The following ULK1 variants were observed in gnomAD, a reference collection of about 807,000 sequenced individuals.
ULK1 encodes the protein unc-51 like autophagy activating kinase 1.
A neutral mutation model predicts 117.5 loss-of-function variants in ULK1; 48 were observed. That is an observed-to-expected ratio of 0.41 (90% CI 0.32 to 0.52). ULK1 has a LOEUF of 0.52. Among genes scored for constraint, ULK1 ranks in the 20% least tolerant of loss-of-function variants. The pLI, the probability that ULK1 is intolerant of heterozygous loss-of-function variation, is 0.29. For missense variants in ULK1, 1,387 were observed against 1,473.4 expected, an observed-to-expected ratio of 0.94 and a Z score of 0.96; for synonymous variants, 790 against 637.8, an observed-to-expected ratio of 1.24 and a Z score of -3.60.
In ULK1 at chr12:131,922,062, G is replaced by A. The variant is rs947686557; in HGVS notation, c.*701G>A. On this transcript the variant is annotated 3_prime_UTR_variant, in exon 28 of 28. Transcript: ENST00000321867. ...GAGGCAGAGGCAGTTCTTTGTTCAAGCGTTCCTCTGGGGACCGGCAGCAGA... is the reference window on the plus strand; with the variant it reads ...GAGGCAGAGGCAGTTCTTTGTTCAAACGTTCCTCTGGGGACCGGCAGCAGA... 1.5e-4 allele frequency: 66 copies of A among 453,412 alleles called. No individual in the cohort carries two copies. In the Admixed American group the frequency reaches 1.6e-3, roughly 11 times the overall value. 28.1% of individuals were successfully genotyped at this position (453,412 alleles called of 1,614,324 possible).
At position 131,919,245 on chromosome 12, in the gene ULK1, T is replaced by G. The variant is rs1364528477; in HGVS notation, c.2545T>G (p.Phe849Val). The G allele has an allele frequency of 6.3e-7, 1 of 1,597,578 alleles. No homozygotes were observed. The highest frequency in any genetic ancestry group is 1.7e-5 in the Admixed American group (1 of 59,748). ...CACGGAGATCCTGCGTGGCCTGCGC[T>G]TCACGCTGCTGTTCGTGCAGCACGT... ...EHTEILRGLR[F>V]TLLFVQHVLE... The change falls in exon 24 of 28, where the codon TTC becomes GTC. Residue 849 changes from phenylalanine to valine, a missense_variant. Coordinates refer to ENST00000321867, the MANE Select transcript of ULK1 (RefSeq NM_003565.4).
intron 4 of ULK1, 146 bp from the exon 5 acceptor site, chr12:131,907,349 G>A: frequency 1.0e-6 from 1 of 962,396 alleles, no homozygotes; most frequent in Non-Finnish European, 1.5e-6. Context: ...TTCCAGCAGG[G>A]ACTGTGGGGA....
intron 25 of ULK1, 179 bp downstream of exon 25, chr12:131,919,769 G>C: frequency 9.8e-7 from 1 of 1,021,346 alleles, no homozygotes; most frequent in South Asian, 1.6e-5. Flanking sequence ...ACAGCACCCT[G>C]GAGCCCAGTA....
Position 131,910,764 on chromosome 12 carries a change from C to T in ULK1, c.912C>T (p.Ser304=), listed in dbSNP as rs746012135. 51 of 1,612,624 alleles carry T rather than the reference C, an allele frequency of 3.2e-5. No homozygotes were observed. Among genetic ancestry groups the T allele is most frequent in the South Asian group, 4.4e-5 (4 of 91,086 alleles). Residue 304 remains serine, a synonymous_variant, in exon 12 of 28, where the codon TCC becomes TCT. Coordinates refer to ENST00000321867, the MANE Select transcript of ULK1 (RefSeq NM_003565.4). ...CAAGCTCGGGGTCCGGCAGCAGCTC[C>T]AGCAGCAGCTCCACCTCCCACCTGG... The part of the protein sequence containing the change: ...SYPSSGSGSS[S]SSSSTSHLAS...
intron 13 of ULK1, 100 bp downstream of exon 13, chr12:131,912,189 G>A (rs1889569587): frequency 2.7e-6 from 4 of 1,476,354 alleles, no homozygotes; most frequent in Non-Finnish European, 2.7e-6. Flanking sequence ...TTCCACTTAT[G>A]GGCAGTTAGG....
Position 131,921,180 on chromosome 12 carries a change from G to A in ULK1, c.3042G>A (p.Leu1014=), listed in dbSNP as rs1362866439. 6.2e-7 allele frequency: 1 copy of A among 1,606,106 alleles called. No homozygotes were observed. The highest frequency in any genetic ancestry group is 1.7e-5 in the Admixed American group (1 of 60,018). Residue 1014 remains leucine (L), a synonymous_variant, in exon 27 of 28, where the codon CTG becomes CTA. Transcript: ENST00000321867. ...VPRYHKALLL[L]EGLQHMLSDQ... Reference sequence around the variant, plus strand: ...GCTACCACAAGGCCCTGCTGCTCCTGGAGGGGCTGCAGCACATGCTCTCGG... The same window carrying A: ...GCTACCACAAGGCCCTGCTGCTCCTAGAGGGGCTGCAGCACATGCTCTCGG...
Position 131,913,216 on chromosome 12 carries a change from C to G in ULK1, c.1115C>G (p.Ala372Gly). ...AQFPGDLVAE[A>G]PSAKPPPDSL... ...CCTGCAGGTGACCTGGTGGCTGAGGCGCCCAGTGCCAAACCCCCGCCAGAC... is the reference window on the plus strand; with the variant it reads ...CCTGCAGGTGACCTGGTGGCTGAGGGGCCCAGTGCCAAACCCCCGCCAGAC... The change falls in exon 14 of 28, where the codon GCG becomes GGG. Residue 372 changes from alanine (A) to glycine (G), a missense_variant. Ala to Gly is a moderately conservative substitution (Grantham distance 60, BLOSUM62 0). Coordinates refer to ENST00000321867, the MANE Select transcript of ULK1 (RefSeq NM_003565.4). 1.3e-6 allele frequency: 2 copies of G among 1,587,616 alleles called. No individual in the cohort carries two copies. The highest frequency in any genetic ancestry group is 2.3e-5 in the South Asian group (2 of 88,166).
Position 131,913,761 on chromosome 12 carries a change from C to T in ULK1, c.1172C>T (p.Ala391Val), listed in dbSNP as rs1280913333. 13 of 1,561,520 alleles carry T rather than the reference C, an allele frequency of 8.3e-6. No homozygotes were observed. The highest frequency in any genetic ancestry group is 1.1e-5 in the Non-Finnish European group (13 of 1,154,308). Reference protein sequence around the residue: ...SLMCSGSSLVASAGLESHGRT... With the variant: ...SLMCSGSSLVVSAGLESHGRT... Reference sequence around the variant, plus strand: ...CTGCCCCACAGGAGCTCACTGGTGGCCTCTGCGGGCTTGGAGAGCCACGGC... The same window carrying T: ...CTGCCCCACAGGAGCTCACTGGTGGTCTCTGCGGGCTTGGAGAGCCACGGC... The change falls in exon 15 of 28, where the codon GCC (alanine) becomes GTC (valine). Residue 391 changes from alanine (A) to valine (V), a missense_variant. By Grantham distance (64) the Ala-to-Val change is moderately conservative (BLOSUM62 0). Around this residue, in one of 4 missense-constraint regions of ULK1, gnomAD observed 260 missense variants for 271.6 expected, o/e 0.96. Coordinates refer to ENST00000321867, the MANE Select transcript of ULK1 (RefSeq NM_003565.4).
Position 131,918,588 on chromosome 12 carries a change from ACACGG to A in ULK1, c.2420_2424del (p.His807LeufsTer24). On this transcript the variant is annotated frameshift_variant, in exon 23 of 28. Coordinates refer to ENST00000321867, the MANE Select transcript of ULK1 (RefSeq NM_003565.4). LOFTEE classifies it high-confidence loss of function. ...CAGCCCCTGAGCTCCCTGCTCCAGGACACGGCTGCAGCTTTGCCGACCCCATTACT... is the reference window on the plus strand; with the variant it reads ...CAGCCCCTGAGCTCCCTGCTCCAGGACTGCAGCTTTGCCGACCCCATTACT... 6.2e-7 allele frequency: 1 copy of A among 1,610,860 alleles called. No homozygotes were observed.
At chr12:131,917,841 G>C (rs1889932514) in intron 22 of ULK1, among the ~76,000 whole-genome samples, 1 of 152,246 alleles carries the variant, frequency 6.6e-6, no homozygotes, top group Non-Finnish European at 1.5e-5. Flanking sequence ...GACGGTGTCT[G>C]GATCATGGCC....
rs368581408 is a variant in ULK1, at chr12:131,918,621, G to A, written c.2451G>A (p.Ala817=). The A allele has an allele frequency of 1.3e-4, 217 of 1,610,182 alleles. No homozygotes were observed. Among genetic ancestry groups the A allele is most frequent in the African/African-American group, 3.9e-4 (29 of 74,940 alleles). Residue 817 remains alanine, a synonymous_variant, in exon 23 of 28, where the codon GCG becomes GCA. Coordinates refer to ENST00000321867, the MANE Select transcript of ULK1 (RefSeq NM_003565.4). Reference sequence around the variant, plus strand: ...GCAGCTTTGCCGACCCCATTACTGCGAACCTGGAGGGGGCTGTGACCTTCG... The same window carrying A: ...GCAGCTTTGCCGACCCCATTACTGCAAACCTGGAGGGGGCTGTGACCTTCG... ...HGCSFADPIT[A]NLEGAVTFEA... is the part of the protein sequence containing the mutation.
intron 1 of ULK1, 127 bp from the exon 2 acceptor site, chr12:131,895,474 C>T (rs1023466021): frequency 2.6e-6 from 2 of 771,844 alleles, no homozygotes; most frequent in Non-Finnish European, 2.1e-6. Flanking sequence ...ACCTGGCTCC[C>T]CACTCGGCCT....
In ULK1 at chr12:131,916,092, G is replaced by A. The variant is rs1889769606; in HGVS notation, c.1811G>A (p.Gly604Asp). 2 of 1,612,548 alleles carry A rather than the reference G, an allele frequency of 1.2e-6. No individual in the cohort carries two copies. Among genetic ancestry groups the A allele is most frequent in the East Asian group, 2.2e-5 (1 of 44,854 alleles). ...HGLQSCRNLR[G>D]SPKLPDFLQR... ...CTGCAGTCCTGCCGGAACCTGCGGG[G>A]CTCACCCAAGCTGCCCGACTTCCTG... The change falls in exon 19 of 28, where the codon GGC (glycine) becomes GAC (aspartate). Residue 604 changes from glycine (G) to aspartate (D), a missense_variant. Transcript: ENST00000321867.
chr12:131,918,394 C>A, intron 22 of ULK1, 103 bp from the exon 23 acceptor site: 1 of 1,380,402 alleles, frequency 7.2e-7, no homozygotes, highest in Non-Finnish European at 9.8e-7. Context: ...TAAACCGAGG[C>A]AGAGGCACAT....
At position 131,921,416 on chromosome 12, in the gene ULK1, G is replaced by A; in HGVS notation, c.*55G>A. On this transcript the variant is annotated 3_prime_UTR_variant, in exon 28 of 28. Coordinates refer to ENST00000321867, the MANE Select transcript of ULK1 (RefSeq NM_003565.4). ...TGCCGAGCCCTGCAGAGTGGGCTCTGTGTGCTGGCTGGACTCCTCGGGACA... is the reference window on the plus strand; with the variant it reads ...TGCCGAGCCCTGCAGAGTGGGCTCTATGTGCTGGCTGGACTCCTCGGGACA... 1 of 1,597,744 alleles carries A rather than the reference G, an allele frequency of 6.3e-7. No homozygotes were observed. The highest frequency in any genetic ancestry group is 8.5e-7 in the Non-Finnish European group (1 of 1,179,050).
chr12:131,914,599 C>G, intron 16 of ULK1, 122 bp downstream of exon 16: 5 of 1,292,034 alleles, frequency 3.9e-6, no homozygotes, highest in Non-Finnish European at 5.2e-6. Context: ...CTGCGCACTG[C>G]GTAACTCAGC....
At chr12:131,909,882 C>T (rs371591725) in intron 9 of ULK1, 37 bp from the exon 10 acceptor site, 27 of 1,610,474 alleles carry the variant, frequency 1.7e-5, no homozygotes, top group South Asian at 2.2e-5. Flanking sequence ...GCTCCGGCCC[C>T]GCAGGCCCTG....
At position 131,909,117 on chromosome 12, in the gene ULK1, C is replaced by T. The variant is rs1178603556; in HGVS notation, c.565-19C>T. ...TGGCGTGCGGGGGCCTCACACTGAC[C>T]CGACTTCTGGTCCCGCAGGCCCCCG... On this transcript the variant is annotated intron_variant, in intron 7 of 27. Coordinates refer to ENST00000321867, the MANE Select transcript of ULK1 (RefSeq NM_003565.4). The T allele has an allele frequency of 1.9e-6, 3 of 1,601,564 alleles. No individual in the cohort carries two copies. Among genetic ancestry groups the T allele is most frequent in the Admixed American group, 1.7e-5 (1 of 58,108 alleles).
intron 11 of ULK1, 58 bp downstream of exon 11, chr12:131,910,362 C>G (rs988199811): frequency 1.2e-6 from 2 of 1,608,454 alleles, no homozygotes; most frequent in Middle Eastern, 1.7e-4. Context: ...CCTTCCTCCC[C>G]GGGTTTGGTT....
Sources: gnomAD v4.1 joint callset for allele counts (sites outside exome capture counted in the v4.1 genomes callset) on GRCh38, gnomAD v4.1.1 for gene constraint, gnomAD v4.1.1 regional missense constraint, MANE v1.5 for transcripts, NCBI Gene and HGNC (gene_info 2026-07-23, HGNC 2026-07-21) for gene names.